The following OXR1 variants were observed in gnomAD, a reference collection of about 807,000 sequenced individuals.
OXR1 encodes the protein oxidation resistance protein 1.
OXR1 carries 41 observed loss-of-function variants against 104.6 expected under a neutral mutation model. That is an observed-to-expected ratio of 0.39 (90% CI 0.31 to 0.51). The LOEUF (loss-of-function observed/expected upper bound fraction) is 0.51, where lower values mean the gene tolerates loss of function less well. Ranked by LOEUF, OXR1 falls within the 20% of genes least tolerant of loss-of-function variation. OXR1 has a pLI of 0.77. For synonymous variants in OXR1, 348 were observed against 348.4 expected (o/e 1.00, Z 0.01); for missense variants, 955 against 1,031.9 (o/e 0.93, Z 1.02).
At chr8:106,381,679 T>C (rs1817155620) in intron 2 of OXR1, among the ~76,000 whole-genome samples, 1 of 152,290 alleles carries the variant, frequency 6.6e-6, no homozygotes, top group African/African-American at 2.4e-5. Flanking sequence ...CCTCTTCTAA[T>C]ATATTTATCT....
intron 2 of OXR1, among the ~76,000 whole-genome samples, chr8:106,516,042 C>T (rs2130080576): frequency 6.6e-6 from 1 of 152,204 alleles, no homozygotes; most frequent in East Asian, 1.9e-4. Context: ...CCCCTGCCCT[C>T]AGGACCATCT....
intron 3 of OXR1, among the ~76,000 whole-genome samples, chr8:106,613,751 A>C (rs983641764): frequency 3.3e-5 from 5 of 152,306 alleles, no homozygotes; most frequent in African/African-American, 1.2e-4. Context: ...AAGTAGTTCA[A>C]AATTTCTCCT....
At chr8:106,396,717 T>C (rs1246896395) in intron 2 of OXR1, among the ~76,000 whole-genome samples, 1 of 152,024 alleles carries the variant, frequency 6.6e-6, no homozygotes. Context: ...GCCATTACTT[T>C]TAATGGTAAA....
chr8:106,472,883 C>A (rs1473978017), intron 2 of OXR1, among the ~76,000 whole-genome samples: 1 of 151,744 alleles, frequency 6.6e-6, no homozygotes, highest in East Asian at 1.9e-4. Flanking sequence ...TTCTTCTTAA[C>A]CTTATACTCT....
Position 106,339,516 on chromosome 8 carries a change from AAAAATATATAT to A in OXR1, c.-138-19958_-138-19948del, listed in dbSNP as rs1224647395. 8.6e-3 allele frequency among the ~76,000 whole-genome samples: 289 copies of A among 33,770 alleles called. 14 individuals carry two copies. Among genetic ancestry groups the A allele is most frequent in the African/African-American group, 0.026 (154 of 5,914 alleles). The allele number at this position is 33,770 out of a possible 152,430, so 22.2% of individuals were successfully genotyped here. A position where few individuals can be genotyped will look rare whatever the true frequency, so the allele number is the denominator to read the frequency against. ...CCAAAAAAAAAAAAAAAAAAAAAAA[AAAAATATATAT>A]ATATATATATATATATATATATATA... On this transcript the variant is annotated intron_variant, in intron 1 of 16. Coordinates refer to ENST00000517566, the MANE Select transcript of OXR1 (RefSeq NM_001198533.2).
intron 2 of OXR1, among the ~76,000 whole-genome samples, chr8:106,405,983 T>C (rs773300960): frequency 4.3e-4 from 65 of 152,200 alleles, no homozygotes; most frequent in Non-Finnish European, 8.7e-4. Flanking sequence ...AACTCTATCT[T>C]ATATACTGTA....
At chr8:106,719,082 CT>C (rs1043546249) in intron 11 of OXR1, among the ~76,000 whole-genome samples, 10 of 152,126 alleles carry the variant, frequency 6.6e-5, no homozygotes, top group African/African-American at 2.4e-4. Flanking sequence ...AGTCTTTCCC[CT>C]GATTTCTGCC....
chr8:106,540,526 A>C (rs1452294665), intron 3 of OXR1, among the ~76,000 whole-genome samples: 2 of 152,156 alleles, frequency 1.3e-5, no homozygotes, highest in East Asian at 1.9e-4. Flanking sequence ...ATTTTGATAC[A>C]CTTCTGTTTT....
intron 2 of OXR1, among the ~76,000 whole-genome samples, chr8:106,474,848 T>G (rs1160960037): frequency 4.6e-5 from 7 of 151,974 alleles, no homozygotes; most frequent in African/African-American, 1.7e-4. Flanking sequence ...AAACTGTACC[T>G]ATTTCATAGA....
intron 3 of OXR1, among the ~76,000 whole-genome samples, chr8:106,573,395 G>T (rs899810886): frequency 6.6e-6 from 1 of 151,508 alleles, no homozygotes; most frequent in Admixed American, 6.6e-5. Flanking sequence ...AGCTTGAAGT[G>T]TGTGTTATAC....
At chr8:106,646,986 G>A (rs1377159638) in intron 3 of OXR1, among the ~76,000 whole-genome samples, 7 of 152,208 alleles carry the variant, frequency 4.6e-5, no homozygotes, top group Non-Finnish European at 1.0e-4. Flanking sequence ...CAGGTATGGA[G>A]TATTTGGGGG....
At chr8:106,689,163 C>T (rs780833925) in intron 6 of OXR1, among the ~76,000 whole-genome samples, 1 of 152,106 alleles carries the variant, frequency 6.6e-6, no homozygotes, top group Non-Finnish European at 1.5e-5. Flanking sequence ...ACTATTGGTA[C>T]GACCATGCTC....
At chr8:106,587,917 A>T (rs1281174374) in intron 3 of OXR1, among the ~76,000 whole-genome samples, 1 of 152,152 alleles carries the variant, frequency 6.6e-6, no homozygotes, top group Non-Finnish European at 1.5e-5. Flanking sequence ...TAGATCCGTG[A>T]AGGTAAGACC....
chr8:106,361,548 G>A (rs1816245651), intron 2 of OXR1, among the ~76,000 whole-genome samples: 1 of 152,184 alleles, frequency 6.6e-6, no homozygotes, highest in Non-Finnish European at 1.5e-5. Flanking sequence ...TCTAAAGCAT[G>A]CAAAACGAGT....
intron 2 of OXR1, among the ~76,000 whole-genome samples, chr8:106,382,766 A>T (rs1173187989): frequency 1.5e-5 from 2 of 137,602 alleles, no homozygotes; most frequent in African/African-American, 5.5e-5. Context: ...GTGTTAGGTG[A>T]TCTGTAATAT....
chr8:106,642,566 T>C (rs901053827), intron 3 of OXR1, among the ~76,000 whole-genome samples: 20 of 152,194 alleles, frequency 1.3e-4, no homozygotes, highest in African/African-American at 4.3e-4. Flanking sequence ...TGGCCAGGCC[T>C]GGAAGTAGCA....
At chr8:106,718,105 G>GT (rs1345788933) in intron 11 of OXR1, among the ~76,000 whole-genome samples, 1 of 152,148 alleles carries the variant, frequency 6.6e-6, no homozygotes, top group African/African-American at 2.4e-5. Context: ...GTGTGAAAAT[G>GT]TTTGTCTTCC....
intron 16 of OXR1, among the ~76,000 whole-genome samples, chr8:106,750,582 G>A (rs545731501): frequency 2.6e-5 from 4 of 151,668 alleles, no homozygotes; most frequent in South Asian, 2.1e-4. Context: ...CGCTGGCCTC[G>A]GCCTCCCAAA....
intron 2 of OXR1, among the ~76,000 whole-genome samples, chr8:106,415,703 TCTA>T (rs139330408): frequency 0.047 from 7,089 of 152,206 alleles, 541 homozygotes; most frequent in African/African-American, 0.16. Context: ...GATGGTTAGT[TCTA>T]CTCACACTTA....
Sources: allele counts gnomAD v4.1 joint callset (sites outside exome capture counted in the v4.1 genomes callset), GRCh38; gene constraint gnomAD v4.1.1; transcripts MANE v1.5; gene names NCBI Gene and HGNC (gene_info 2026-07-23, HGNC 2026-07-21).